The following USP37 variants were observed in gnomAD, a reference collection of about 807,000 sequenced individuals.
USP37 encodes the protein ubiquitin carboxyl-terminal hydrolase 37.
USP37 carries 27 observed loss-of-function variants against 124.0 expected under a neutral mutation model. The observed-to-expected ratio is 0.22, with a 90% CI of 0.16 to 0.30. The LOEUF (loss-of-function observed/expected upper bound fraction) is 0.30. Ranked by LOEUF, USP37 falls within the 10% of genes least tolerant of loss-of-function variation. The pLI, the probability that USP37 is intolerant of heterozygous loss-of-function variation, is 1.00. For missense variants in USP37, 889 were observed against 1,140.4 expected (o/e 0.78, Z 3.17); for synonymous variants, 365 against 388.0 (o/e 0.94, Z 0.70).
intron 9 of USP37, among the ~76,000 whole-genome samples, chr2:218,533,412 C>G (rs1024524808): frequency 4.6e-5 from 7 of 152,160 alleles, no homozygotes; most frequent in Admixed American, 1.3e-4. Flanking sequence ...CCGATTAACT[C>G]TGTAACTTTA....
chr2:218,509,751 T>C (rs1237048326), intron 11 of USP37, among the ~76,000 whole-genome samples: 5 of 152,144 alleles, frequency 3.3e-5, no homozygotes, highest in African/African-American at 1.2e-4. Flanking sequence ...AAAATACACA[T>C]TTTCTGCTTT....
At chr2:218,482,367 A>T (rs1184757979) in intron 16 of USP37, 133 bp from the exon 17 acceptor site, 2 of 940,218 alleles carry the variant, frequency 2.1e-6, no homozygotes, top group Non-Finnish European at 3.0e-6. Context: ...AGACACGTCA[A>T]AGAATATTTA....
intron 3 of USP37, among the ~76,000 whole-genome samples, chr2:218,559,606 G>C (rs999265712): frequency 1.3e-5 from 2 of 152,106 alleles, no homozygotes; most frequent in African/African-American, 4.8e-5. Context: ...TTCCTAGAAA[G>C]AATCTTTACC....
chr2:218,532,192 G>T (rs1691365737), intron 9 of USP37, among the ~76,000 whole-genome samples: 1 of 152,180 alleles, frequency 6.6e-6, no homozygotes, highest in African/African-American at 2.4e-5. Context: ...CCTTGGCCGG[G>T]TGCAGTGGCT....
intron 13 of USP37, among the ~76,000 whole-genome samples, 155 bp from the exon 14 acceptor site, chr2:218,496,105 C>A (rs1689066359): frequency 6.6e-6 from 1 of 152,048 alleles, no homozygotes; most frequent in Admixed American, 6.6e-5. Flanking sequence ...ACCAGCCCGG[C>A]CAACATGGTG....
Position 218,534,779 on chromosome 2 carries a change from A to G in USP37, c.681-73T>C, listed in dbSNP as rs1691528588. The G allele has an allele frequency of 4.1e-6, 4 of 982,470 alleles. No individual in the cohort carries two copies. The African/African-American group carries it at 6.8e-5, about 17-fold the overall frequency. The allele number at this position is 982,470 out of a possible 1,614,324, so 60.9% of individuals were successfully genotyped here. A position where few individuals can be genotyped will look rare whatever the true frequency, so the allele number is the denominator to read the frequency against. On this transcript the variant is annotated intron_variant, in intron 8 of 25. Transcript: ENST00000258399. ...TTGTTCTTAATTTTAAATAGTTGTC[A>G]TTAAAACATTTACATTTAAAGTGCC... is the stretch of plus-strand genomic sequence containing the variant.
chr2:218,504,691 T>C (rs1689588157), intron 11 of USP37, among the ~76,000 whole-genome samples: 1 of 152,160 alleles, frequency 6.6e-6, no homozygotes, highest in African/African-American at 2.4e-5. Flanking sequence ...CATTTCAGCC[T>C]CCCAAAGCGC....
At chr2:218,556,819 GT>G (rs1693007395) in intron 4 of USP37, among the ~76,000 whole-genome samples, 1 of 150,652 alleles carries the variant, frequency 6.6e-6, no homozygotes, top group Admixed American at 6.6e-5. Flanking sequence ...GGCCTATTTG[GT>G]TACTCTTAAG....
intron 24 of USP37, among the ~76,000 whole-genome samples, chr2:218,456,472 AAAGAAAAAAG>A (rs943652155): frequency 6.6e-6 from 1 of 151,986 alleles, no homozygotes; most frequent in African/African-American, 2.4e-5. Flanking sequence ...AAAAAAAAAA[AAAGAAAAAAG>A]AAGAAAAAAA....
At chr2:218,493,494 G>A (rs142038269) in intron 14 of USP37, among the ~76,000 whole-genome samples, 199 of 151,884 alleles carry the variant, frequency 1.3e-3, no homozygotes, top group African/African-American at 4.6e-3. Context: ...TTTTTGAGAT[G>A]GAGTCTTGCT....
chr2:218,552,186 C>A (rs1446681890), intron 5 of USP37, among the ~76,000 whole-genome samples: 5 of 152,076 alleles, frequency 3.3e-5, no homozygotes, highest in African/African-American at 1.2e-4. Flanking sequence ...AAATGGCAAA[C>A]AATCATAAAA....
intron 24 of USP37, among the ~76,000 whole-genome samples, 169 bp downstream of exon 24, chr2:218,456,923 T>A (rs374600567): frequency 6.6e-6 from 1 of 151,714 alleles, no homozygotes; most frequent in Admixed American, 6.6e-5. Context: ...TGAGCCGAGA[T>A]TGTGCCACTA....
intron 8 of USP37, among the ~76,000 whole-genome samples, chr2:218,541,333 A>G (rs918721913): frequency 3.3e-5 from 5 of 152,184 alleles, no homozygotes; most frequent in Non-Finnish European, 5.9e-5. Context: ...TGGCAGGGGT[A>G]AATGACTATT....
chr2:218,545,248 T>A (rs922824811), intron 8 of USP37, among the ~76,000 whole-genome samples: 2 of 152,176 alleles, frequency 1.3e-5, no homozygotes, highest in Non-Finnish European at 2.9e-5. Context: ...GATATAACCA[T>A]GTGATTAAGT....
At chr2:218,526,654 T>C (rs1214575296) in intron 10 of USP37, among the ~76,000 whole-genome samples, 1 of 152,146 alleles carries the variant, frequency 6.6e-6, no homozygotes, top group Non-Finnish European at 1.5e-5. Context: ...TGTGAGGACT[T>C]TCACCATTTT....
intron 8 of USP37, among the ~76,000 whole-genome samples, chr2:218,543,073 A>G (rs914842765): frequency 6.6e-6 from 1 of 152,186 alleles, no homozygotes; most frequent in African/African-American, 2.4e-5. Context: ...ATACTCACTG[A>G]ACCTATAGCT....
chr2:218,559,508 T>A (rs554198253), intron 3 of USP37, among the ~76,000 whole-genome samples: 110 of 152,300 alleles, frequency 7.2e-4, no homozygotes, highest in Non-Finnish European at 1.3e-3. Context: ...AGAATTACAA[T>A]ATTTGAGGAA....
chr2:218,505,601 T>C (rs1689638175), intron 11 of USP37, among the ~76,000 whole-genome samples: 1 of 152,212 alleles, frequency 6.6e-6, no homozygotes, highest in Non-Finnish European at 1.5e-5. Flanking sequence ...TTGAGTTTCT[T>C]GAAAATGATG....
intron 21 of USP37, among the ~76,000 whole-genome samples, chr2:218,463,711 A>G (rs1164834326): frequency 6.7e-6 from 1 of 149,836 alleles, no homozygotes; most frequent in African/African-American, 2.5e-5. Context: ...AATTTTTTGT[A>G]TTTTTAGTAG....
Sources: allele counts gnomAD v4.1 joint callset (sites outside exome capture counted in the v4.1 genomes callset), GRCh38; gene constraint gnomAD v4.1.1; transcripts MANE v1.5; gene names NCBI Gene and HGNC (gene_info 2026-07-23, HGNC 2026-07-21).